Variants in KCND3 observed in about 807,000 individuals in gnomAD.
KCND3 encodes the protein potassium voltage-gated channel subfamily D member 3, also known as A-type voltage-gated potassium channel KCND3.
A neutral mutation model predicts 51.1 loss-of-function variants in KCND3; 9 were observed. The ratio of observed to expected loss-of-function variants is 0.18; its 90% CI spans 0.11 to 0.31. The LOEUF is 0.31. Ranked by LOEUF, KCND3 falls within the 10% of genes least tolerant of loss-of-function variation. The probability of loss-of-function intolerance (pLI) is 1.00; values close to 1 mark genes in which losing one functional copy is unlikely to be tolerated. For synonymous variants in KCND3, 349 were observed against 368.0 expected (o/e 0.95, Z 0.59); for missense variants, 526 against 903.8 (o/e 0.58, Z 5.36).
At chr1:111,844,662 G>A (rs1470945433) in intron 2 of KCND3, among the ~76,000 whole-genome samples, 1 of 152,162 alleles carries the variant, frequency 6.6e-6, no homozygotes, top group African/African-American at 2.4e-5. Context: ...TGAGACAGAA[G>A]ATCTTGCCTC....
chr1:111,796,837 C>A (rs1665076359), intron 2 of KCND3, among the ~76,000 whole-genome samples: 2 of 152,186 alleles, frequency 1.3e-5, no homozygotes. Flanking sequence ...GTTTCCTAAG[C>A]TCTGCCAGCA....
At chr1:111,987,855 G>C (rs569395813) in intron 1 of KCND3, among the ~76,000 whole-genome samples, 5 of 152,270 alleles carry the variant, frequency 3.3e-5, no homozygotes, top group South Asian at 2.1e-4. Context: ...GATAGGGGGT[G>C]GGGGGAGGCT....
At chr1:111,855,359 C>T (rs1668016748) in intron 2 of KCND3, among the ~76,000 whole-genome samples, 1 of 152,234 alleles carries the variant, frequency 6.6e-6, no homozygotes, top group African/African-American at 2.4e-5. Context: ...ACTCATCCCC[C>T]TCATCTTCCA....
chr1:111,921,447 G>A (rs1671472562), intron 2 of KCND3, among the ~76,000 whole-genome samples: 1 of 152,218 alleles, frequency 6.6e-6, no homozygotes, highest in Non-Finnish European at 1.5e-5. Context: ...AGAGGTAGAG[G>A]CAGGATTATG....
At chr1:111,837,885 G>T (rs1464793774) in intron 2 of KCND3, among the ~76,000 whole-genome samples, 2 of 152,182 alleles carry the variant, frequency 1.3e-5, no homozygotes, top group African/African-American at 4.8e-5. Context: ...CAGATATTTT[G>T]TAGAATGTTC....
chr1:111,871,678 G>C (rs952316970), intron 2 of KCND3, among the ~76,000 whole-genome samples: 1 of 152,178 alleles, frequency 6.6e-6, no homozygotes, highest in East Asian at 1.9e-4. Context: ...CTTCATCAAG[G>C]TTGGCAGATG....
chr1:111,888,752 AAAGACAG>A (rs1310545533), intron 2 of KCND3, among the ~76,000 whole-genome samples: 2 of 152,018 alleles, frequency 1.3e-5, no homozygotes, highest in African/African-American at 4.8e-5. Flanking sequence ...AGAGAAACCC[AAAGACAG>A]ACAGAAACCT....
chr1:111,983,818 A>G (rs1272085168), intron 1 of KCND3, among the ~76,000 whole-genome samples: 1 of 152,020 alleles, frequency 6.6e-6, no homozygotes, highest in Non-Finnish European at 1.5e-5. Flanking sequence ...TCTAAACCAC[A>G]CTGCATAAGC....
At chr1:111,976,548 C>T (rs562090871) in intron 2 of KCND3, among the ~76,000 whole-genome samples, 1 of 152,332 alleles carries the variant, frequency 6.6e-6, no homozygotes, top group Non-Finnish European at 1.5e-5. Context: ...ATATATCAAG[C>T]TCTGTGTAAG....
intron 2 of KCND3, among the ~76,000 whole-genome samples, chr1:111,832,320 A>G (rs1395164177): frequency 1.3e-5 from 2 of 152,158 alleles, no homozygotes; most frequent in Non-Finnish European, 2.9e-5. Context: ...GAAGCCTGGG[A>G]CGTTGGGTGA....
chr1:111,987,797 A>T (rs192781316), intron 1 of KCND3, among the ~76,000 whole-genome samples: 1 of 152,316 alleles, frequency 6.6e-6, no homozygotes, highest in East Asian at 1.9e-4. Flanking sequence ...ACAAATGAAA[A>T]ATCTGAAGCT....
chr1:111,859,704 A>T (rs1469981875), intron 2 of KCND3, among the ~76,000 whole-genome samples: 1 of 152,218 alleles, frequency 6.6e-6, no homozygotes, highest in Non-Finnish European at 1.5e-5. Context: ...GAGATGGATG[A>T]TCCTCCCTCC....
chr1:111,888,456 C>A (rs148761858), intron 2 of KCND3, among the ~76,000 whole-genome samples: 1 of 152,058 alleles, frequency 6.6e-6, no homozygotes, highest in Non-Finnish European at 1.5e-5. Flanking sequence ...GAGGCCAAGG[C>A]GGGTGGATCA....
chr1:111,857,771 G>A (rs986154634), intron 2 of KCND3, among the ~76,000 whole-genome samples: 7 of 151,716 alleles, frequency 4.6e-5, no homozygotes, highest in Non-Finnish European at 7.4e-5. Flanking sequence ...CCTATCTAAA[G>A]AGCCCCCTCC....
intron 2 of KCND3, among the ~76,000 whole-genome samples, chr1:111,954,851 CTA>C (rs963366549): frequency 3.3e-4 from 51 of 152,318 alleles, no homozygotes; most frequent in African/African-American, 1.1e-3. Flanking sequence ...GGAAACTGGT[CTA>C]TGTTTTTGAA....
chr1:111,889,477 A>G (rs2101758101), intron 2 of KCND3, among the ~76,000 whole-genome samples: 1 of 152,370 alleles, frequency 6.6e-6, no homozygotes, highest in East Asian at 1.9e-4. Context: ...AGCTTCTAGT[A>G]AAGGAAGGTT....
intron 2 of KCND3, among the ~76,000 whole-genome samples, chr1:111,895,094 G>A (rs1253694999): frequency 6.7e-6 from 1 of 148,910 alleles, no homozygotes; most frequent in African/African-American, 2.5e-5. Flanking sequence ...GACAGGGTGA[G>A]AGGAAAAGGA....
chr1:111,784,126 C>T (rs1268162581), intron 3 of KCND3, among the ~76,000 whole-genome samples: 2 of 151,716 alleles, frequency 1.3e-5, no homozygotes, highest in Non-Finnish European at 2.9e-5. Context: ...CACACACACA[C>T]ACACACACAC....
intron 2 of KCND3, among the ~76,000 whole-genome samples, chr1:111,925,578 G>A (rs1007214023): frequency 1.3e-5 from 2 of 152,182 alleles, no homozygotes; most frequent in South Asian, 2.1e-4. Context: ...AATCTCTCTG[G>A]GGCTCGGTTT....
Sources: allele counts gnomAD v4.1 joint callset (sites outside exome capture counted in the v4.1 genomes callset), GRCh38; gene constraint gnomAD v4.1.1; transcripts MANE v1.5; gene names NCBI Gene and HGNC (gene_info 2026-07-23, HGNC 2026-07-21).